EHHADH: variants seen among roughly 807,000 people sequenced by gnomAD.
EHHADH encodes peroxisomal bifunctional enzyme.
Under a neutral mutation model 64.4 loss-of-function variants are expected in EHHADH, and 48 were observed. That is an observed-to-expected ratio of 0.75 (90% confidence interval 0.59 to 0.95). EHHADH has a LOEUF of 0.95. EHHADH is among the 40% of genes least tolerant of loss of function. The pLI is 0.00. For missense variants in EHHADH, 854 were observed against 876.6 expected (o/e 0.97, Z 0.33); for synonymous variants, 308 against 326.7 (o/e 0.94, Z 0.62).
At chr3:185,253,503 G>A (rs1719805355) in intron 1 of EHHADH, among the ~76,000 whole-genome samples, 1 of 150,258 alleles carries the variant, frequency 6.7e-6, no homozygotes, top group Middle Eastern at 3.2e-3. Flanking sequence ...ACACCAACAT[G>A]GCACATGTAT....
chr3:185,245,538 T>C, intron 2 of EHHADH: 1 of 995,282 alleles, frequency 1.0e-6, no homozygotes, highest in Non-Finnish European at 1.6e-6. Context: ...CAACAGAACA[T>C]CTAGAATGAC....
Position 185,250,001 on chromosome 3 carries a change from G to A in EHHADH, c.75-1484C>T, listed in dbSNP as rs201438615. On this transcript the variant is annotated intron_variant, in intron 1 of 6. Coordinates refer to ENST00000231887, the MANE Select transcript of EHHADH (RefSeq NM_001966.4). ...AGGAGCAGCCACCTTGGATCAGGAG[G>A]TAGAAGCTATGTATTGAGGATGGTA... Among the ~76,000 whole-genome samples the A allele has an allele frequency of 2.0e-5, 3 of 152,180 alleles. No homozygotes were observed. In the East Asian group the frequency reaches 5.8e-4, roughly 29 times the overall value.
At chr3:185,237,831 T>C (rs1409141602) in intron 2 of EHHADH, among the ~76,000 whole-genome samples, 4 of 152,210 alleles carry the variant, frequency 2.6e-5, no homozygotes, top group Non-Finnish European at 4.4e-5. Context: ...TGGTGAAGTC[T>C]GGGTTTTTGG....
chr3:185,240,842 G>A (rs563389579), intron 2 of EHHADH, among the ~76,000 whole-genome samples: 2 of 151,854 alleles, frequency 1.3e-5, no homozygotes, highest in East Asian at 3.9e-4. Flanking sequence ...TGGGGTACAG[G>A]TGGTGTTTGG....
rs571208640 is a variant in EHHADH at position 185,252,428 on chromosome 3, G to GA, written c.74+1520dup. On this transcript the variant is annotated intron_variant, in intron 1 of 6. Coordinates refer to ENST00000231887, the MANE Select transcript of EHHADH (RefSeq NM_001966.4). The stretch of plus-strand genomic sequence containing the variant: ...CAAGCAAATGAGCTTAAAAAAAAAA[G>GA]AAAAAAAAAAAACAGTTGTCAGAAA... Among the ~76,000 whole-genome samples, 715 of 132,272 alleles carry GA rather than the reference G, an allele frequency of 5.4e-3. 2 individuals are homozygous for GA. The highest frequency in any genetic ancestry group is 7.6e-3 in the Middle Eastern group (2 of 262). The allele number at this position is 132,272 out of a possible 152,430, so 86.8% of individuals were successfully genotyped here. A position where few individuals can be genotyped will look rare whatever the true frequency, so the allele number is the denominator to read the frequency against.
rs1418218867 is a variant in EHHADH at position 185,195,436 on chromosome 3, AAC to A, written c.911-1951_911-1950del. ...TTTAAATGGTACAGTTGCTGCAAAA[AAC>A]AGTTTAGCAGTTACTCAAAATGTTA... On this transcript the variant is annotated intron_variant, in intron 6 of 6. Transcript: ENST00000231887. Among the ~76,000 whole-genome samples the A allele has an allele frequency of 5.3e-5, 8 of 152,324 alleles. No individual in the cohort carries two copies. In the South Asian group the frequency reaches 8.3e-4, roughly 16 times the overall value.
intron 2 of EHHADH, chr3:185,248,208 C>A: frequency 1.9e-6 from 1 of 528,826 alleles, no homozygotes; most frequent in South Asian, 2.8e-5. Context: ...TCTAAAAGCC[C>A]AATCCACAAT....
At position 185,192,333 on chromosome 3, in the gene EHHADH, T is replaced by A. The variant is rs1159103491; in HGVS notation, c.2065A>T (p.Ile689Phe). 6.2e-7 allele frequency: 1 copy of A among 1,614,174 alleles called. No individual in the cohort carries two copies. Among genetic ancestry groups the A allele is most frequent in the East Asian group, 2.2e-5 (1 of 44,880 alleles). The change falls in exon 7 of 7, where the codon ATT becomes TTT. Residue 689 changes from isoleucine (I) to phenylalanine (F), a missense_variant. Ile to Phe is a conservative substitution (Grantham distance 21, BLOSUM62 0). Transcript: ENST00000231887. ...LQKYYRQNPD[I>F]PQLEPSDYLK... is the part of the protein sequence containing the mutation. Reference sequence around the variant, plus strand: ...TAGTCACTTGGCTCCAGTTGGGGAATATCAGGGTTCTGCCTGTAATATTTC... The same window carrying A: ...TAGTCACTTGGCTCCAGTTGGGGAAAATCAGGGTTCTGCCTGTAATATTTC...
intron 3 of EHHADH, among the ~76,000 whole-genome samples, chr3:185,233,258 T>C (rs1311054733): frequency 6.6e-6 from 1 of 152,304 alleles, no homozygotes; most frequent in East Asian, 1.9e-4. Flanking sequence ...TTTTGTATAT[T>C]ATTAAAATTC....
chr3:185,233,728 C>A (rs1719202644), intron 3 of EHHADH, among the ~76,000 whole-genome samples: 1 of 152,200 alleles, frequency 6.6e-6, no homozygotes, highest in Non-Finnish European at 1.5e-5. Context: ...TTACTGCAAC[C>A]TCCACCTTCC....
chr3:185,208,194 C>A (rs191662377), intron 5 of EHHADH, among the ~76,000 whole-genome samples: 1 of 152,334 alleles, frequency 6.6e-6, no homozygotes, highest in Non-Finnish European at 1.5e-5. Flanking sequence ...TGGCAAAGAA[C>A]TGAGGGAGGC....
At position 185,218,084 on chromosome 3, in the gene EHHADH, G is replaced by A; in HGVS notation, c.568+52C>T. ...CCGGCCAGGAGTTTCTTATTTAAATGAACATGTATCCTGTTTACAGTCTTT... is the reference window on the plus strand; with the variant it reads ...CCGGCCAGGAGTTTCTTATTTAAATAAACATGTATCCTGTTTACAGTCTTT... On this transcript the variant is annotated intron_variant, in intron 5 of 6. Transcript: ENST00000231887. 4 of 1,336,116 alleles carry A rather than the reference G, an allele frequency of 3.0e-6. No homozygotes were observed. The South Asian group carries it at 5.3e-5, about 18-fold the overall frequency. 82.8% of individuals were successfully genotyped at this position (1,336,116 alleles called of 1,614,324 possible).
intron 3 of EHHADH, among the ~76,000 whole-genome samples, chr3:185,233,676 C>T (rs1335430818): frequency 2.0e-5 from 3 of 152,000 alleles, no homozygotes; most frequent in Admixed American, 1.3e-4. Flanking sequence ...AGATGGAGAC[C>T]CGCTCTGTCA....
At position 185,227,981 on chromosome 3, in the gene EHHADH, A is replaced by G. The variant is rs138033553; in HGVS notation, c.463+1451T>C. Among the ~76,000 whole-genome samples, 1,347 of 151,820 alleles carry G rather than the reference A, an allele frequency of 8.9e-3. 21 individuals carry two copies. Among genetic ancestry groups the G allele is most frequent in the African/African-American group, 0.031 (1,280 of 41,468 alleles). ...AGGTGCTATTCCTAGCTACATTTAT[A>G]AAGAAAATAAGGCACAAAAAAGTAA... On this transcript the variant is annotated intron_variant, in intron 4 of 6. Coordinates refer to ENST00000231887, the MANE Select transcript of EHHADH (RefSeq NM_001966.4).
intron 5 of EHHADH, among the ~76,000 whole-genome samples, chr3:185,209,251 G>T (rs1017237659): frequency 2.0e-5 from 3 of 152,016 alleles, no homozygotes; most frequent in Non-Finnish European, 4.4e-5. Flanking sequence ...AATAAAAACA[G>T]AAAAGCACCA....
At chr3:185,214,630 TTATGCAGGTACA>T (rs2108635531) in intron 5 of EHHADH, among the ~76,000 whole-genome samples, 1 of 152,356 alleles carries the variant, frequency 6.6e-6, no homozygotes, top group East Asian at 1.9e-4. Context: ...AGTTTTTTCC[TTATGCAGGTACA>T]TATAAGAACA....
intron 6 of EHHADH, among the ~76,000 whole-genome samples, chr3:185,200,477 C>A (rs1718193042): frequency 6.6e-6 from 1 of 152,160 alleles, no homozygotes; most frequent in South Asian, 2.1e-4. Flanking sequence ...GTATCCTAAA[C>A]TTTAGCTTTG....
chr3:185,213,993 C>T, intron 5 of EHHADH, among the ~76,000 whole-genome samples: 1 of 152,006 alleles, frequency 6.6e-6, no homozygotes, highest in Non-Finnish European at 1.5e-5. Context: ...AAATAGGCCT[C>T]CTTAAATTAT....
chr3:185,241,181 CCA>C (rs1405452565), intron 2 of EHHADH, among the ~76,000 whole-genome samples: 4 of 152,220 alleles, frequency 2.6e-5, no homozygotes, highest in African/African-American at 7.2e-5. Flanking sequence ...TATAAAAATA[CCA>C]CAGTTTGTTT....
Sources: gnomAD v4.1 joint callset for allele counts (sites outside exome capture counted in the v4.1 genomes callset) on GRCh38, gnomAD v4.1.1 for gene constraint, MANE v1.5 for transcripts, NCBI Gene and HGNC (gene_info 2026-07-23, HGNC 2026-07-21) for gene names.